The following OTUD7B variants were observed in gnomAD, a reference collection of about 807,000 sequenced individuals.
The protein encoded by OTUD7B is OTU domain-containing protein 7B.
Under a neutral mutation model 82.2 loss-of-function variants are expected in OTUD7B, and 34 were observed. That is an observed-to-expected ratio of 0.41 (90% CI 0.31 to 0.55). OTUD7B has a LOEUF of 0.55. OTUD7B is among the 20% of genes least tolerant of loss of function. The pLI, the probability that OTUD7B is intolerant of heterozygous loss-of-function variation, is 0.20. For missense variants in OTUD7B, 944 were observed against 1,062.1 expected (o/e 0.89, Z 1.55); for synonymous variants, 398 against 402.7 (o/e 0.99, Z 0.14).
intron 2 of OTUD7B, among the ~76,000 whole-genome samples, chr1:149,973,926 C>T (rs1650109273): frequency 6.8e-6 from 1 of 146,488 alleles, no homozygotes; most frequent in Admixed American, 7.0e-5. Context: ...GGCATGATCT[C>T]AGCTCACTGC....
intron 1 of OTUD7B, among the ~76,000 whole-genome samples, chr1:149,997,448 C>G (rs781984202): frequency 6.6e-6 from 1 of 152,238 alleles, no homozygotes; most frequent in East Asian, 1.9e-4. Context: ...GTCTAAAGCT[C>G]TCTTCCTTTT....
chr1:150,019,534 T>G, the OTUD7B span, among the ~76,000 whole-genome samples: 1 of 152,112 alleles, frequency 6.6e-6, no homozygotes, highest in African/African-American at 2.4e-5. Flanking sequence ...GCCTGGCTAA[T>G]TTTTGTATTT....
intron 2 of OTUD7B, 142 bp downstream of exon 2, chr1:149,977,284 C>T (rs1411608197): frequency 3.3e-6 from 2 of 605,140 alleles, no homozygotes; most frequent in African/African-American, 1.8e-5. Flanking sequence ...ACGGGTTATA[C>T]ACAAAGTATA....
Position 149,989,415 on chromosome 1 carries a change from C to T in OTUD7B, c.-66-11839G>A, listed in dbSNP as rs180866225. ...TTGAACCTGGGAGGCAGAGTTTGCA[C>T]TGAGCCGAAATCGTGCCACTGAACT... On this transcript the variant is annotated intron_variant, in intron 1 of 11. Transcript: ENST00000581312. Among the ~76,000 whole-genome samples, 999 of 146,298 alleles carry T rather than the reference C, an allele frequency of 6.8e-3. 7 individuals carry two copies. The highest frequency in any genetic ancestry group is 0.024 in the African/African-American group (957 of 39,366).
chr1:150,011,937 G>A (rs1188444788), upstream of OTUD7B, among the ~76,000 whole-genome samples: 1 of 152,176 alleles, frequency 6.6e-6, no homozygotes, highest in East Asian at 1.9e-4. Context: ...CTGAAACAGG[G>A]AAACTTCCTA....
Position 149,941,469 on chromosome 1 carries a change from G to T in OTUD7B, c.*2388C>A, listed in dbSNP as rs1441654996. Reference sequence around the variant, plus strand: ...CGCACACAGTGGTGTTCTCGCTAGTGTTCAAATCACAGAAACAGGGACGTA... The same window carrying T: ...CGCACACAGTGGTGTTCTCGCTAGTTTTCAAATCACAGAAACAGGGACGTA... On this transcript the variant is annotated 3_prime_UTR_variant, in exon 12 of 12. Transcript: ENST00000581312. 6.6e-6 allele frequency: 1 copy of T among 152,266 alleles called. No homozygotes were observed. Among genetic ancestry groups the T allele is most frequent in the African/African-American group, 2.4e-5 (1 of 41,412 alleles). The allele number at this position is 152,266 out of a possible 1,614,324, so 9.4% of individuals were successfully genotyped here. A position where few individuals can be genotyped will look rare whatever the true frequency, so the allele number is the denominator to read the frequency against.
chr1:149,950,317 A>G (rs1182309882), intron 7 of OTUD7B, 96 bp from the exon 8 acceptor site: 9 of 1,231,820 alleles, frequency 7.3e-6, no homozygotes, highest in Non-Finnish European at 1.0e-5. Context: ...GAAAGGGAAA[A>G]GAAGAATGTC....
At chr1:149,963,409 T>C (rs1318621190) in intron 6 of OTUD7B, 3 of 152,308 alleles carry the variant, frequency 2.0e-5, no homozygotes, top group African/African-American at 2.4e-5. Flanking sequence ...ACTTTTTCTG[T>C]AAAGGGCCAG....
chr1:149,950,488 A>C (rs1269714173), intron 7 of OTUD7B, among the ~76,000 whole-genome samples: 2 of 152,086 alleles, frequency 1.3e-5, no homozygotes, highest in Non-Finnish European at 2.9e-5. Flanking sequence ...GGTAATCCCT[A>C]TCTCTTAATA....
chr1:149,950,374 A>G (rs587637406), intron 7 of OTUD7B, among the ~76,000 whole-genome samples, 153 bp from the exon 8 acceptor site: 6 of 151,328 alleles, frequency 4.0e-5, no homozygotes, highest in African/African-American at 1.2e-4. Context: ...ATAGCTGATT[A>G]TTTTATGCTA....
In OTUD7B at chr1:149,939,933, C is replaced by CA. The variant is rs1205307486; in HGVS notation, c.*3923dup. The CA allele has an allele frequency of 4.5e-4, 59 of 131,816 alleles. No individual in the cohort carries two copies. The South Asian group carries it at 6.4e-3, about 14-fold the overall frequency. 8.2% of individuals were successfully genotyped at this position (131,816 alleles called of 1,614,324 possible). ...AGCTGAGCGAGACTCCGTCTCAAAC[C>CA]AAAAAAAAAAGAAAGAAAGAAAAAG... On this transcript the variant is annotated 3_prime_UTR_variant, in exon 12 of 12. Transcript: ENST00000581312.
intron 11 of OTUD7B, among the ~76,000 whole-genome samples, chr1:149,946,615 G>A (rs782797770): frequency 1.2e-4 from 18 of 150,788 alleles, no homozygotes; most frequent in Non-Finnish European, 1.9e-4. Flanking sequence ...GGTGGCGCAC[G>A]TCTGTAATCC....
chr1:150,015,978 T>C, the OTUD7B span, among the ~76,000 whole-genome samples: 8,499 of 152,306 alleles, frequency 0.056, 314 homozygotes, highest in Non-Finnish European at 0.088. Context: ...TATTTTCCTC[T>C]GCTGCTGAAA....
At chr1:149,960,142 A>G (rs1553775351) in intron 6 of OTUD7B, among the ~76,000 whole-genome samples, 1 of 152,052 alleles carries the variant, frequency 6.6e-6, no homozygotes, top group Non-Finnish European at 1.5e-5. Flanking sequence ...CCTGGTTCCC[A>G]TCTTAGCCTT....
the OTUD7B span, among the ~76,000 whole-genome samples, chr1:150,056,745 C>A: frequency 6.6e-6 from 1 of 152,002 alleles, no homozygotes; most frequent in Non-Finnish European, 1.5e-5. Context: ...ATAACTGACA[C>A]AAATAAATGA....
chr1:150,057,970 G>A, the OTUD7B span, among the ~76,000 whole-genome samples: 1 of 152,192 alleles, frequency 6.6e-6, no homozygotes, highest in Non-Finnish European at 1.5e-5. Flanking sequence ...ACAAGTGAAA[G>A]CACTGCCCAA....
Position 149,967,451 on chromosome 1 carries a change from G to A in OTUD7B, c.345C>T (p.Ser115=), listed in dbSNP as rs782695329. The A allele has an allele frequency of 1.9e-6, 3 of 1,614,126 alleles. No homozygotes were observed. Among genetic ancestry groups the A allele is most frequent in the Middle Eastern group, 3.3e-4 (2 of 6,062 alleles). The part of the protein sequence containing the change: ...SIVSLARSHV[S]SNGGGGGSNE... ...TGCTCCCCCCACCCCCACCATTGGAGGAGACATGGGACCGGGCCAGGGAAA... is the reference window on the plus strand; with the variant it reads ...TGCTCCCCCCACCCCCACCATTGGAAGAGACATGGGACCGGGCCAGGGAAA... Residue 115 remains serine, a synonymous_variant, in exon 4 of 12, where the codon TCC becomes TCT. Transcript: ENST00000581312.
intron 1 of OTUD7B, among the ~76,000 whole-genome samples, chr1:150,001,509 AG>A (rs1553784771): frequency 6.6e-6 from 1 of 152,226 alleles, no homozygotes; most frequent in African/African-American, 2.4e-5. Context: ...CAGATAGCAG[AG>A]GGGAGTGAAA....
chr1:149,985,017 C>T (rs1482198955), intron 1 of OTUD7B, among the ~76,000 whole-genome samples: 2 of 152,102 alleles, frequency 1.3e-5, no homozygotes, highest in Non-Finnish European at 2.9e-5. Flanking sequence ...CCACAGGCAA[C>T]CACTATGAGC....
Sources: allele counts gnomAD v4.1 joint callset (sites outside exome capture counted in the v4.1 genomes callset), GRCh38; gene constraint gnomAD v4.1.1; transcripts MANE v1.5; gene names NCBI Gene and HGNC (gene_info 2026-07-23, HGNC 2026-07-21).